CHDH: variants seen among roughly 807,000 people sequenced by gnomAD.
CHDH encodes the protein choline dehydrogenase, also known as choline dehydrogenase, mitochondrial.
CHDH carries 43 observed loss-of-function variants against 56.9 expected under a neutral mutation model. That is an observed-to-expected ratio of 0.76 (90% CI 0.59 to 0.97). The LOEUF (loss-of-function observed/expected upper bound fraction) is 0.97. Among genes scored for constraint, CHDH ranks in the 50% least tolerant of loss-of-function variants. The pLI is 0.00. For missense variants in CHDH, 816 were observed against 821.1 expected, an observed-to-expected ratio of 0.99 and a Z score of 0.08; for synonymous variants, 364 against 348.5, an observed-to-expected ratio of 1.04 and a Z score of -0.50.
At position 53,823,290 on chromosome 3, in the gene CHDH, G is replaced by C; in HGVS notation, c.703+16C>G. The stretch of plus-strand genomic sequence containing the variant: ...AGGGGGTAGTGCTTTTTTAAAAAGA[G>C]AAGGGAGACCACTACCTTCATGGAT... On this transcript the variant is annotated intron_variant, in intron 3 of 8. Coordinates refer to ENST00000315251, the MANE Select transcript of CHDH (RefSeq NM_018397.5). The C allele has an allele frequency of 1.3e-6, 2 of 1,508,056 alleles. No homozygotes were observed. The highest frequency in any genetic ancestry group is 1.8e-6 in the Non-Finnish European group (2 of 1,127,300). The allele number at this position is 1,508,056 out of a possible 1,614,324, so 93.4% of individuals were successfully genotyped here. A position where few individuals can be genotyped will look rare whatever the true frequency, so the allele number is the denominator to read the frequency against.
At position 53,823,550 on chromosome 3, in the gene CHDH, C is replaced by G. The variant is rs1271992452; in HGVS notation, c.459G>C (p.Gln153His). The change falls in exon 3 of 9, where the codon CAG (glutamine) becomes CAC (histidine). Residue 153 changes from glutamine to histidine, a missense_variant. Transcript: ENST00000315251. ...GCGCGTAGTCCCAGCCGCGGGCGCC[C>G]TGGCGCTGCCAGCGCTCGTAGTCCT... ...HAEDYERWQR[Q>H]GARGWDYAHC... is the part of the protein sequence containing the mutation. The G allele has an allele frequency of 5.2e-6, 8 of 1,542,422 alleles. No individual in the cohort carries two copies. The highest frequency in any genetic ancestry group is 7.0e-6 in the Non-Finnish European group (8 of 1,146,096).
chr3:53,823,761 C>A lies in CHDH; in HGVS notation c.248G>T (p.Arg83Leu), dbSNP rs532335486. 45 of 1,560,976 alleles carry A rather than the reference C, an allele frequency of 2.9e-5. No homozygotes were observed. The South Asian group carries it at 5.2e-4, about 18-fold the overall frequency. Residue 83 changes from arginine to leucine, a missense_variant, in exon 3 of 9, where the codon CGG becomes CTG. Coordinates refer to ENST00000315251, the MANE Select transcript of CHDH (RefSeq NM_018397.5). ...GPKDVLAGSK[R>L]LSWKIHMPAA... ...GGGCATGTGGATCTTCCACGAGAGC[C>A]GCTTGCTCCCCGCGAGCACGTCCTT...
intron 5 of CHDH, 135 bp from the exon 6 acceptor site, chr3:53,820,743 A>T: frequency 8.7e-7 from 1 of 1,154,140 alleles, no homozygotes; most frequent in East Asian, 2.5e-5. Context: ...CCCTGGTCTC[A>T]GCTTAAAGGC....
rs1017919562 is a variant in CHDH at position 53,817,954 on chromosome 3, C to A, written c.1608G>T (p.Gly536=). The A allele has an allele frequency of 6.2e-7, 1 of 1,614,216 alleles. No individual in the cohort carries two copies. Residue 536 remains glycine (G), a synonymous_variant, in exon 9 of 9, where the codon GGG becomes GGT. Transcript: ENST00000315251. ...AVVDPQTRVL[G]VENLRVVDAS... ...CATCGACGACCCTGAGGTTTTCCACCCCGAGGACCCTTGTCTGCGGATCCA... is the reference window on the plus strand; with the variant it reads ...CATCGACGACCCTGAGGTTTTCCACACCGAGGACCCTTGTCTGCGGATCCA...
chr3:53,825,171 G>C (rs1191784725), intron 2 of CHDH, among the ~76,000 whole-genome samples: 1 of 152,180 alleles, frequency 6.6e-6, no homozygotes, highest in African/African-American at 2.4e-5. Context: ...TCCTTTGCTA[G>C]GTATACTGTT....
At position 53,823,416 on chromosome 3, in the gene CHDH, A is replaced by C; in HGVS notation, c.593T>G (p.Leu198Arg). The C allele has an allele frequency of 6.3e-7, 1 of 1,594,576 alleles. No homozygotes were observed. Among genetic ancestry groups the C allele is most frequent in the Non-Finnish European group, 8.5e-7 (1 of 1,170,670 alleles). The change falls in exon 3 of 9, where the codon CTG (leucine) becomes CGG (arginine). Residue 198 changes from leucine to arginine, a missense_variant. Leu to Arg is a moderately radical substitution (Grantham distance 102, BLOSUM62 -2). Coordinates refer to ENST00000315251, the MANE Select transcript of CHDH (RefSeq NM_018397.5). ...RVSRGKTNHPLHCAFLEATQQ... is the reference protein window; with the variant it reads ...RVSRGKTNHPRHCAFLEATQQ... The stretch of plus-strand genomic sequence containing the variant: ...CGTGGCCTCCAGGAATGCGCAGTGC[A>C]GCGGGTGGTTGGTCTTGCCCCGGGA...
rs971762177 is a variant in CHDH, at chr3:53,817,836, C to T, written c.1726G>A (p.Ala576Thr). The T allele has an allele frequency of 2.5e-6, 4 of 1,613,986 alleles. No homozygotes were observed. The African/African-American group carries it at 5.3e-5, about 22-fold the overall frequency. The change falls in exon 9 of 9, where the codon GCA becomes ACA. Residue 576 changes from alanine to threonine, a missense_variant. Physicochemically the swap from Ala to Thr is moderately conservative, Grantham distance 58. Transcript: ENST00000315251. The part of the protein sequence containing the change: ...KAADIIKGQP[A>T]LWDKDVPVYK... ...ACAGGGACATCTTTGTCCCAGAGTGCAGGCTGCCCCTTGATAATGTCAGCT... is the reference window on the plus strand; with the variant it reads ...ACAGGGACATCTTTGTCCCAGAGTGTAGGCTGCCCCTTGATAATGTCAGCT...
chr3:53,829,979 C>T (rs1484337887), intron 2 of CHDH, among the ~76,000 whole-genome samples: 1 of 152,100 alleles, frequency 6.6e-6, no homozygotes, highest in Non-Finnish European at 1.5e-5. Context: ...CAAGACAAAA[C>T]AATAACACTT....
At position 53,820,542 on chromosome 3, in the gene CHDH, G is replaced by GTGA. The variant is rs1559748633; in HGVS notation, c.1049_1051dup (p.Ile350dup). 1 of 1,614,136 alleles carries GTGA rather than the reference G, an allele frequency of 6.2e-7. No individual in the cohort carries two copies. Among genetic ancestry groups the GTGA allele is most frequent in the East Asian group, 2.2e-5 (1 of 44,882 alleles). On this transcript the variant is annotated inframe_insertion, in exon 6 of 9. Transcript: ENST00000315251. ...CAGGGGCTTCTGTGCTGAATGGAGG[G>GTGA]TGATAGGGCGGGTGCATGCCTGCTG...
In CHDH at chr3:53,821,651, T is replaced by C; in HGVS notation, c.981A>G (p.Leu327=). 1 of 1,613,460 alleles carries C rather than the reference T, an allele frequency of 6.2e-7. No homozygotes were observed. The highest frequency in any genetic ancestry group is 1.1e-5 in the South Asian group (1 of 91,052). Residue 327 remains leucine (L), a synonymous_variant, in exon 5 of 9, where the codon CTA becomes CTG. Transcript: ENST00000315251. ...KKLGIPVVCH[L]PGVGQNLQDH... ...GCAGTAAAGAAGGGGACTCACCAGG[T>C]AGGTGGCACACCACAGGGATGCCCA...
Position 53,821,391 on chromosome 3 carries a change from C to CAGGGCAG in CHDH, c.985+255_985+256insCTGCCCT, listed in dbSNP as rs756767424. On this transcript the variant is annotated intron_variant, in intron 5 of 8. Coordinates refer to ENST00000315251, the MANE Select transcript of CHDH (RefSeq NM_018397.5). ...CCAGTGGGGCTTCAGGGCAGATACT[C>CAGGGCAG]CCTGCTGCAGGGTGCCCTTCTCCAA... Among the ~76,000 whole-genome samples, 449 of 152,308 alleles carry CAGGGCAG rather than the reference C, an allele frequency of 2.9e-3. 2 individuals carry two copies. Among genetic ancestry groups the CAGGGCAG allele is most frequent in the Admixed American group, 3.9e-3 (60 of 15,302 alleles).
chr3:53,824,352 T>G (rs775628797), intron 2 of CHDH, among the ~76,000 whole-genome samples: 1 of 152,208 alleles, frequency 6.6e-6, no homozygotes, highest in East Asian at 1.9e-4. Flanking sequence ...GGCTGGAGTC[T>G]GCCTGCTGGA....
Position 53,846,359 on chromosome 3 carries a change from G to T in CHDH, c.-407C>A, listed in dbSNP as rs1295939135. ...GTGCGCGGGGGTAGGCGCGCGCCGCGGCGGCCCGTGCTCCGCCAGCGCTCG... is the reference window on the plus strand; with the variant it reads ...GTGCGCGGGGGTAGGCGCGCGCCGCTGCGGCCCGTGCTCCGCCAGCGCTCG... On this transcript the variant is annotated 5_prime_UTR_variant, in exon 1 of 9. Coordinates refer to ENST00000315251, the MANE Select transcript of CHDH (RefSeq NM_018397.5). 6.5e-6 allele frequency: 3 copies of T among 459,840 alleles called. No homozygotes were observed. The highest frequency in any genetic ancestry group is 4.1e-5 in the African/African-American group (2 of 48,210). 28.5% of individuals were successfully genotyped at this position (459,840 alleles called of 1,614,324 possible). A position where few individuals can be genotyped will look rare whatever the true frequency, so the allele number is the denominator to read the frequency against.
intron 2 of CHDH, among the ~76,000 whole-genome samples, chr3:53,831,248 T>C (rs894087556): frequency 3.9e-5 from 6 of 152,222 alleles, no homozygotes; most frequent in Admixed American, 6.5e-5. Context: ...TACAGTAGAA[T>C]AGAACACGAG....
chr3:53,819,818 A>G lies in CHDH; in HGVS notation c.1121-144T>C. 1.1e-6 allele frequency: 1 copy of G among 937,886 alleles called. No individual in the cohort carries two copies. The highest frequency in any genetic ancestry group is 1.5e-6 in the Non-Finnish European group (1 of 649,360). 58.1% of individuals were successfully genotyped at this position (937,886 alleles called of 1,614,324 possible). A position where few individuals can be genotyped will look rare whatever the true frequency, so the allele number is the denominator to read the frequency against. On this transcript the variant is annotated intron_variant, in intron 6 of 8. Transcript: ENST00000315251. This position sits in a 1 kb window ranked among gnomAD's most constrained non-coding sequence, Gnocchi z 5.4. ...TAGTGCCTGGACCCAAGTCCTGTCC[A>G]CATCTGTTCACCCCTCACAGGGGGC...
chr3:53,843,289 C>T (rs1398091093), intron 1 of CHDH, among the ~76,000 whole-genome samples: 2 of 144,626 alleles, frequency 1.4e-5, no homozygotes, highest in Admixed American at 1.5e-4. Context: ...GCTGTTTCTT[C>T]TGCGTTTCCT....
rs748017070 is a variant in CHDH, at chr3:53,823,899, C to T, written c.110G>A (p.Ser37Asn). ...ARALASAGSE[S>N]RDEYSYVVVG... ...CACCACATAGCTGTACTCGTCCCGG[C>T]TCTCAGAGCCTGCGCTGGCCAGGGC... Residue 37 changes from serine (S) to asparagine (N), a missense_variant, in exon 3 of 9, where the codon AGC becomes AAC. Transcript: ENST00000315251. 3.8e-6 allele frequency: 6 copies of T among 1,573,870 alleles called. No individual in the cohort carries two copies. Among genetic ancestry groups the T allele is most frequent in the Non-Finnish European group, 2.6e-6 (3 of 1,168,914 alleles).
At position 53,813,294 on chromosome 3, in the gene CHDH, G is replaced by GTTCT. The variant is rs1248489929; in HGVS notation, c.*4479_*4482dup. On this transcript the variant is annotated 3_prime_UTR_variant, in exon 9 of 9. Transcript: ENST00000315251. Reference sequence around the variant, plus strand: ...ATCCTTTTTTATTAAAATGCAAAATGTTCTTCAGAATAAAACTGTGTAATA... The same window carrying GTTCT: ...ATCCTTTTTTATTAAAATGCAAAATGTTCTTTCTTCAGAATAAAACTGTGTAATA... 4.6e-5 allele frequency: 7 copies of GTTCT among 152,144 alleles called. No individual in the cohort carries two copies. Among genetic ancestry groups the GTTCT allele is most frequent in the Admixed American group, 1.3e-4 (2 of 15,278 alleles). The allele number at this position is 152,144 out of a possible 1,614,324, so 9.4% of individuals were successfully genotyped here.
rs578222161 is a variant in CHDH, at chr3:53,846,361, C to G, written c.-409G>C. 2.2e-6 allele frequency: 1 copy of G among 461,406 alleles called. No homozygotes were observed. Among genetic ancestry groups the G allele is most frequent in the African/African-American group, 2.1e-5 (1 of 48,212 alleles). 28.6% of individuals were successfully genotyped at this position (461,406 alleles called of 1,614,324 possible). Reference sequence around the variant, plus strand: ...GCGCGGGGGTAGGCGCGCGCCGCGGCGGCCCGTGCTCCGCCAGCGCTCGGA... The same window carrying G: ...GCGCGGGGGTAGGCGCGCGCCGCGGGGGCCCGTGCTCCGCCAGCGCTCGGA... On this transcript the variant is annotated 5_prime_UTR_variant, in exon 1 of 9. Coordinates refer to ENST00000315251, the MANE Select transcript of CHDH (RefSeq NM_018397.5).
Sources: gnomAD v4.1 joint callset for allele counts (sites outside exome capture counted in the v4.1 genomes callset) on GRCh38, gnomAD v4.1.1 for gene constraint, Gnocchi (gnomAD v3.1) non-coding constraint, MANE v1.5 for transcripts, NCBI Gene and HGNC (gene_info 2026-07-23, HGNC 2026-07-21) for gene names.